Variants in PLPPR1 observed in about 807,000 individuals in gnomAD.
PLPPR1 encodes the protein phospholipid phosphatase-related protein type 1.
In PLPPR1, 10 loss-of-function variants were observed where a neutral mutation model predicts 33.1. That is an observed-to-expected ratio of 0.30 (90% confidence interval 0.19 to 0.51). The LOEUF (loss-of-function observed/expected upper bound fraction) is 0.51. Ranked by LOEUF, PLPPR1 falls within the 20% of genes least tolerant of loss-of-function variation. The pLI is 0.97. For missense variants in PLPPR1, 304 were observed against 408.1 expected, an observed-to-expected ratio of 0.74 and a Z score of 2.20; for synonymous variants, 151 against 151.0, an observed-to-expected ratio of 1.00 and a Z score of 0.00.
At chr9:101,051,738 G>C (rs1430956468) in intron 1 of PLPPR1, among the ~76,000 whole-genome samples, 4 of 152,116 alleles carry the variant, frequency 2.6e-5, no homozygotes, top group Admixed American at 1.3e-4. Flanking sequence ...CATTTACTCT[G>C]CACCTTCTTC....
At chr9:101,218,464 C>G (rs1241945860) in intron 2 of PLPPR1, among the ~76,000 whole-genome samples, 1 of 152,026 alleles carries the variant, frequency 6.6e-6, no homozygotes, top group Non-Finnish European at 1.5e-5. Context: ...TGACATGACC[C>G]TGAGCAAGGT....
chr9:101,213,045 C>T (rs1388418881), intron 2 of PLPPR1, among the ~76,000 whole-genome samples: 2 of 152,162 alleles, frequency 1.3e-5, no homozygotes, highest in African/African-American at 4.8e-5. Flanking sequence ...TTATTGCCTT[C>T]ACTTTACAGA....
chr9:101,254,235 T>C (rs10989459), intron 2 of PLPPR1, among the ~76,000 whole-genome samples: 8,924 of 152,034 alleles, frequency 0.059, 384 homozygotes, highest in South Asian at 0.22. Flanking sequence ...CAGTGGGAGC[T>C]CTTAGCTTGT....
chr9:101,143,630 G>A (rs192724651), intron 1 of PLPPR1, among the ~76,000 whole-genome samples: 23 of 152,302 alleles, frequency 1.5e-4, no homozygotes, highest in African/African-American at 5.3e-4. Context: ...GATATGAACA[G>A]ACACTTCTCT....
At chr9:101,229,427 TA>T (rs1827138369) in intron 2 of PLPPR1, among the ~76,000 whole-genome samples, 1 of 152,100 alleles carries the variant, frequency 6.6e-6, no homozygotes, top group South Asian at 2.1e-4. Context: ...TTTCCATTTA[TA>T]AAACCAATAC....
intron 7 of PLPPR1, among the ~76,000 whole-genome samples, chr9:101,319,426 A>T (rs1429047952): frequency 3.3e-5 from 5 of 152,104 alleles, no homozygotes; most frequent in African/African-American, 1.2e-4. Flanking sequence ...ACCTTTAATT[A>T]AATCTAATAT....
chr9:101,296,867 G>A (rs938403363), intron 4 of PLPPR1, among the ~76,000 whole-genome samples: 22 of 151,582 alleles, frequency 1.5e-4, no homozygotes, highest in South Asian at 4.2e-4. Context: ...TAATGGGTGC[G>A]GCACACCAGC....
At position 101,312,906 on chromosome 9, in the gene PLPPR1, G is replaced by A. The variant is rs1281208258; in HGVS notation, c.745G>A (p.Glu249Lys). 1.9e-6 allele frequency: 3 copies of A among 1,614,160 alleles called. No individual in the cohort carries two copies. Among genetic ancestry groups the A allele is most frequent in the East Asian group, 4.5e-5 (2 of 44,860 alleles). Residue 249 changes from glutamate (E) to lysine (K), a missense_variant, in exon 6 of 8, where the codon GAG (glutamate) becomes AAG (lysine). Transcript: ENST00000374874. ...AFLTGLNRVSEYRNHCSDVIA... is the reference protein window; with the variant it reads ...AFLTGLNRVSKYRNHCSDVIA... ...CCTGACAGGCCTCAACCGGGTCTCT[G>A]AGTATCGGAACCACTGCTCGGACGT...
intron 2 of PLPPR1, among the ~76,000 whole-genome samples, chr9:101,222,922 G>GTCTT (rs1359105209): frequency 1.3e-5 from 2 of 151,310 alleles, no homozygotes; most frequent in Admixed American, 6.6e-5. Flanking sequence ...AGGACTTTAA[G>GTCTT]TGTTTTGGTT....
intron 2 of PLPPR1, among the ~76,000 whole-genome samples, chr9:101,223,782 C>T (rs1168894906): frequency 5.3e-5 from 8 of 152,110 alleles, no homozygotes; most frequent in Non-Finnish European, 2.9e-5. Context: ...AATTAAACCT[C>T]TTTTCTTTAT....
intron 2 of PLPPR1, among the ~76,000 whole-genome samples, chr9:101,186,351 G>C (rs983083517): frequency 6.6e-6 from 1 of 151,628 alleles, no homozygotes; most frequent in African/African-American, 2.4e-5. Context: ...CTAAAGATCA[G>C]ACCTAAAATA....
At chr9:101,209,193 T>C (rs1167212386) in intron 2 of PLPPR1, among the ~76,000 whole-genome samples, 1 of 152,172 alleles carries the variant, frequency 6.6e-6, no homozygotes, top group Non-Finnish European at 1.5e-5. Flanking sequence ...CAGGTGATTG[T>C]AACAAGCATA....
At chr9:101,179,443 A>T (rs748473418) in intron 1 of PLPPR1, among the ~76,000 whole-genome samples, 11 of 152,218 alleles carry the variant, frequency 7.2e-5, no homozygotes, top group Non-Finnish European at 1.6e-4. Context: ...TTCTTTTGTT[A>T]AAAACATGTT....
intron 1 of PLPPR1, among the ~76,000 whole-genome samples, chr9:101,118,124 T>C (rs1831137347): frequency 6.6e-6 from 1 of 152,232 alleles, no homozygotes; most frequent in Non-Finnish European, 1.5e-5. Context: ...ATAGCTTTGA[T>C]TTATGACTAA....
At chr9:101,191,435 T>C (rs1826295375) in intron 2 of PLPPR1, among the ~76,000 whole-genome samples, 1 of 152,190 alleles carries the variant, frequency 6.6e-6, no homozygotes, top group Non-Finnish European at 1.5e-5. Flanking sequence ...CTTCCCTTCT[T>C]CCTTCTCTCC....
At chr9:101,120,669 C>A (rs1443591752) in intron 1 of PLPPR1, among the ~76,000 whole-genome samples, 2 of 152,180 alleles carry the variant, frequency 1.3e-5, no homozygotes, top group Non-Finnish European at 2.9e-5. Flanking sequence ...ACCATATGCT[C>A]CCCTCCTTCA....
intron 1 of PLPPR1, among the ~76,000 whole-genome samples, chr9:101,102,212 G>T (rs1588028621): frequency 8.6e-6 from 1 of 115,686 alleles, no homozygotes. Context: ...AGTTACATAT[G>T]TATACATGTG....
intron 2 of PLPPR1, 38 bp downstream of exon 2, chr9:101,185,595 TAAAAG>T (rs1191907968): frequency 7.7e-7 from 1 of 1,303,292 alleles, no homozygotes; most frequent in South Asian, 1.3e-5. Context: ...CAAATTGAAA[TAAAAG>T]TAACAGTTTT....
chr9:101,156,521 A>C (rs1831689549), intron 1 of PLPPR1, among the ~76,000 whole-genome samples: 1 of 143,738 alleles, frequency 7.0e-6, no homozygotes, highest in African/African-American at 2.6e-5. Context: ...ATTGCACTCC[A>C]GCCTGGGTGA....
Sources: allele counts gnomAD v4.1 joint callset (sites outside exome capture counted in the v4.1 genomes callset), GRCh38; gene constraint gnomAD v4.1.1; transcripts MANE v1.5; gene names NCBI Gene and HGNC (gene_info 2026-07-23, HGNC 2026-07-21).